ESRRG: variants seen among roughly 807,000 people sequenced by gnomAD.
The protein encoded by ESRRG is estrogen related receptor gamma.
A neutral mutation model predicts 44.0 loss-of-function variants in ESRRG; 13 were observed. That is an observed-to-expected ratio of 0.30 (90% CI 0.19 to 0.47). ESRRG has a LOEUF of 0.47. ESRRG is among the 20% of genes least tolerant of loss of function. The probability of loss-of-function intolerance (pLI) is 1.00; values close to 1 mark genes in which losing one functional copy is unlikely to be tolerated. For missense variants in ESRRG, 395 were observed against 580.6 expected (o/e 0.68, Z 3.29); for synonymous variants, 215 against 214.6 (o/e 1.00, Z -0.02).
chr1:216,633,072 GAAAGTCATTGTCACCACCCTA>G (rs1456099257), intron 3 of ESRRG, among the ~76,000 whole-genome samples: 1 of 152,136 alleles, frequency 6.6e-6, no homozygotes, highest in Non-Finnish European at 1.5e-5. Context: ...CATTGTCTCT[GAAAGTCATTGTCACCACCCTA>G]ATCCCCTCAT....
intron 1 of ESRRG, among the ~76,000 whole-genome samples, chr1:216,961,200 A>G (rs557316125): frequency 9.2e-5 from 14 of 152,212 alleles, no homozygotes; most frequent in Admixed American, 2.6e-4. Flanking sequence ...TTGTGCTGAG[A>G]TAACTGATTA....
intron 1 of ESRRG, among the ~76,000 whole-genome samples, chr1:216,690,753 C>T (rs1266330057): frequency 6.6e-6 from 1 of 152,120 alleles, no homozygotes; most frequent in African/African-American, 2.4e-5. Context: ...TTCTACCTCT[C>T]ATTTACACAC....
intron 2 of ESRRG, among the ~76,000 whole-genome samples, chr1:216,669,102 T>TAA (rs72240136): frequency 0.21 from 31,325 of 147,858 alleles, 4,140 homozygotes; most frequent in Non-Finnish European, 0.3. Context: ...TTAAACAGCT[T>TAA]AAAAAAAAAA....
intron 2 of ESRRG, among the ~76,000 whole-genome samples, chr1:216,736,410 G>T (rs1487242802): frequency 6.6e-6 from 1 of 151,786 alleles, no homozygotes; most frequent in Non-Finnish European, 1.5e-5. Context: ...GTCTCGATCT[G>T]CGGACCTCGT....
At chr1:217,071,658 C>T (rs1466894657) in intron 1 of ESRRG, among the ~76,000 whole-genome samples, 1 of 152,002 alleles carries the variant, frequency 6.6e-6, no homozygotes, top group Non-Finnish European at 1.5e-5. Context: ...AGGATGTTGC[C>T]CCATCAAATA....
chr1:216,790,370 AT>A (rs2094280076), intron 2 of ESRRG, among the ~76,000 whole-genome samples: 2 of 152,150 alleles, frequency 1.3e-5, no homozygotes, highest in Admixed American at 1.3e-4. Context: ...GGACACAATT[AT>A]ATTTGCTTTT....
intron 1 of ESRRG, among the ~76,000 whole-genome samples, chr1:216,980,456 T>A (rs1341836703): frequency 9.2e-5 from 14 of 152,200 alleles, no homozygotes; most frequent in Admixed American, 9.2e-4. Flanking sequence ...CATAGCTTAC[T>A]AATATTTTCC....
rs1017706685 is a variant in ESRRG, at chr1:216,503,616, G to A, written c.*3323C>T. The A allele has an allele frequency of 6.6e-6, 1 of 152,394 alleles. No individual in the cohort carries two copies. The highest frequency in any genetic ancestry group is 1.5e-5 in the Non-Finnish European group (1 of 67,952). The allele number at this position is 152,394 out of a possible 1,614,324, so 9.4% of individuals were successfully genotyped here. On this transcript the variant is annotated 3_prime_UTR_variant, in exon 7 of 7. Transcript: ENST00000408911. ...TTTGCACATAAGACTGCCATAAAAT[G>A]TTTTCCTAGGCAGGTAAACAGAGAC... is the stretch of plus-strand genomic sequence containing the variant.
intron 2 of ESRRG, among the ~76,000 whole-genome samples, chr1:216,902,933 C>T (rs758589590): frequency 4.6e-5 from 7 of 152,154 alleles, no homozygotes; most frequent in Non-Finnish European, 1.0e-4. Context: ...TTGCACGTTC[C>T]TACTTGTTGA....
intron 5 of ESRRG, among the ~76,000 whole-genome samples, chr1:216,544,451 C>T (rs2053843931): frequency 1.3e-5 from 2 of 152,038 alleles, no homozygotes; most frequent in East Asian, 1.9e-4. Flanking sequence ...TAAGGAGATG[C>T]CCTCCAAGGT....
chr1:216,933,017 C>T (rs765192964), intron 2 of ESRRG, among the ~76,000 whole-genome samples: 1 of 151,942 alleles, frequency 6.6e-6, no homozygotes, highest in Non-Finnish European at 1.5e-5. Context: ...AATCACAGCT[C>T]TTCTACTTGG....
intron 2 of ESRRG, among the ~76,000 whole-genome samples, chr1:216,867,115 A>G (rs1403923494): frequency 6.6e-6 from 1 of 152,196 alleles, no homozygotes; most frequent in East Asian, 1.9e-4. Context: ...GCATGCTGAC[A>G]TGGTCTCAGG....
intron 1 of ESRRG, among the ~76,000 whole-genome samples, chr1:216,682,951 A>C (rs928510765): frequency 6.6e-6 from 1 of 152,184 alleles, no homozygotes; most frequent in Admixed American, 6.5e-5. Flanking sequence ...AATGGGCACC[A>C]GCTGCTATTG....
chr1:217,029,043 A>G (rs753735363), intron 1 of ESRRG, among the ~76,000 whole-genome samples: 1 of 131,516 alleles, frequency 7.6e-6, no homozygotes, highest in Non-Finnish European at 1.6e-5. Flanking sequence ...GTTTAAAATG[A>G]GCTCTCTGAA....
At chr1:216,711,740 TTATAA>T (rs1369649618) in intron 1 of ESRRG, among the ~76,000 whole-genome samples, 3 of 152,198 alleles carry the variant, frequency 2.0e-5, no homozygotes, top group African/African-American at 7.2e-5. Context: ...AAAAATGATA[TTATAA>T]TATACTTGGT....
At chr1:216,976,945 G>A (rs890999415) in intron 1 of ESRRG, among the ~76,000 whole-genome samples, 1 of 152,106 alleles carries the variant, frequency 6.6e-6, no homozygotes, top group African/African-American at 2.4e-5. Context: ...TAATTATAGT[G>A]GACACCACAG....
Position 216,894,654 on chromosome 1 carries a change from C to T in ESRRG, c.-14+44928G>A, listed in dbSNP as rs144457531. ...ACAAAAGACGAGGGAGCTGGGGACT[C>T]GGGAAAGAGGCAGTATGGGGAGGGA... On this transcript the variant is annotated intron_variant, in intron 2 of 7. Transcript: ENST00000359162. 2.4e-3 allele frequency among the ~76,000 whole-genome samples: 362 copies of T among 152,054 alleles called. 4 individuals carry two copies. Among genetic ancestry groups the T allele is most frequent in the African/African-American group, 8.1e-3 (338 of 41,484 alleles).
chr1:217,024,861 T>C (rs1446602508), intron 1 of ESRRG, among the ~76,000 whole-genome samples: 1 of 152,192 alleles, frequency 6.6e-6, no homozygotes, highest in East Asian at 1.9e-4. Context: ...AATTGAGGTA[T>C]AGAGAGATTA....
At chr1:216,554,876 C>T (rs945151974) in intron 5 of ESRRG, among the ~76,000 whole-genome samples, 2 of 152,130 alleles carry the variant, frequency 1.3e-5, no homozygotes, top group East Asian at 1.9e-4. Flanking sequence ...TTTGCTGTAG[C>T]GTTTGCCTTC....
Sources: gnomAD v4.1 joint callset for allele counts (sites outside exome capture counted in the v4.1 genomes callset) on GRCh38, gnomAD v4.1.1 for gene constraint, MANE v1.5 for transcripts, NCBI Gene and HGNC (gene_info 2026-07-23, HGNC 2026-07-21) for gene names.